SHOX2: variants seen among roughly 807,000 people sequenced by gnomAD.
SHOX2 encodes the protein SHOX homeobox 2, also known as short stature homeobox protein 2.
A neutral mutation model predicts 31.3 loss-of-function variants in SHOX2; 13 were observed. The observed-to-expected ratio is 0.42, with a 90% CI of 0.27 to 0.66. The LOEUF (loss-of-function observed/expected upper bound fraction) is 0.66. SHOX2 is among the 30% of genes least tolerant of loss of function. SHOX2 has a pLI of 0.27. For missense variants in SHOX2, 473 were observed against 443.0 expected, an observed-to-expected ratio of 1.07 and a Z score of -0.61; for synonymous variants, 244 against 196.2, an observed-to-expected ratio of 1.24 and a Z score of -2.04.
chr3:158,097,816 C>A lies in SHOX2; in HGVS notation c.*211G>T, dbSNP rs1713215906. 3.0e-6 allele frequency: 2 copies of A among 662,846 alleles called. No individual in the cohort carries two copies. Among genetic ancestry groups the A allele is most frequent in the African/African-American group, 3.6e-5 (2 of 54,938 alleles). The allele number at this position is 662,846 out of a possible 1,614,324, so 41.1% of individuals were successfully genotyped here. Reference sequence around the variant, plus strand: ...CTCGAGTAGGAAAACGGGCAGGAGCCACGGAGCCTGCGTGCCTCGTGAGAT... The same window carrying A: ...CTCGAGTAGGAAAACGGGCAGGAGCAACGGAGCCTGCGTGCCTCGTGAGAT... On this transcript the variant is annotated 3_prime_UTR_variant, in exon 5 of 5. Transcript: ENST00000483851.
intron 1 of SHOX2, chr3:158,104,103 G>A (rs1467407634): frequency 6.6e-6 from 1 of 152,260 alleles, no homozygotes; most frequent in East Asian, 1.9e-4. Flanking sequence ...CAGGATCCAG[G>A]CCAGCATGGG....
chr3:158,098,179 A>G lies in SHOX2; in HGVS notation c.808T>C (p.Phe270Leu), dbSNP rs752374466. ...APYMMFPAPP[F>L]GLPLATLAAD... ...GCCAGCGTGGCGAGCGGCAGTCCGA[A>G]GGGCGGTGCTGGGAACATCATGTAG... The change falls in exon 5 of 5, where the codon TTC becomes CTC. Residue 270 changes from phenylalanine to leucine, a missense_variant. Phe to Leu is a conservative substitution (Grantham distance 22, BLOSUM62 0). Around this residue, in one of 3 missense-constraint regions of SHOX2, gnomAD observed 182 missense variants for 167.2 expected, o/e 1.09. Coordinates refer to ENST00000483851, the MANE Select transcript of SHOX2 (RefSeq NM_001163678.2). 1.2e-6 allele frequency: 2 copies of G among 1,613,540 alleles called. No individual in the cohort carries two copies. The highest frequency in any genetic ancestry group is 4.5e-5 in the East Asian group (2 of 44,890).
rs1559893678 is a variant in SHOX2, at chr3:158,096,932, G to GATA, written c.*1094_*1095insTAT. On this transcript the variant is annotated 3_prime_UTR_variant, in exon 5 of 5. Coordinates refer to ENST00000483851, the MANE Select transcript of SHOX2 (RefSeq NM_001163678.2). ...TATATATATATATATATATATATAT[G>GATA]GCAAATATATGATATATATATATGG... 7.4e-5 allele frequency: 3 copies of GATA among 40,650 alleles called. No individual in the cohort carries two copies. Among genetic ancestry groups the GATA allele is most frequent in the Non-Finnish European group, 9.8e-5 (2 of 20,448 alleles). 2.5% of individuals were successfully genotyped at this position (40,650 alleles called of 1,614,324 possible).
chr3:158,100,739 G>A (rs765084896), intron 2 of SHOX2, among the ~76,000 whole-genome samples: 11 of 152,212 alleles, frequency 7.2e-5, no homozygotes, highest in South Asian at 2.1e-4. Context: ...ACTCCTTTGC[G>A]GAGAAGGAGT....
rs757863312 is a variant in SHOX2 at position 158,102,904 on chromosome 3, G to A, written c.347-18C>T. The A allele has an allele frequency of 1.2e-6, 2 of 1,611,440 alleles. No homozygotes were observed. Among genetic ancestry groups the A allele is most frequent in the South Asian group, 2.2e-5 (2 of 91,022 alleles). On this transcript the variant is annotated intron_variant, in intron 1 of 4. Coordinates refer to ENST00000483851, the MANE Select transcript of SHOX2 (RefSeq NM_001163678.2). ...CGGGGACACTGGAGGGGGCACCCCA[G>A]CGGGGCCACACGTGCATCCACACGA...
In SHOX2 at chr3:158,105,767, T is replaced by C; in HGVS notation, c.258A>G (p.Gly86=). The C allele has an allele frequency of 6.6e-7, 1 of 1,516,022 alleles. No homozygotes were observed. Among genetic ancestry groups the C allele is most frequent in the Non-Finnish European group, 8.8e-7 (1 of 1,133,332 alleles). 93.9% of individuals were successfully genotyped at this position (1,516,022 alleles called of 1,614,324 possible). The change falls in exon 1 of 5, where the codon GGA becomes GGG. Residue 86 remains glycine, a synonymous_variant. Coordinates refer to ENST00000483851, the MANE Select transcript of SHOX2 (RefSeq NM_001163678.2). ...GGACGGGAGAGCGCCCTCCTCCAGC[T>C]CCTCCGCCTGCTCCTCCTCCTCCTA... ...GGVGGGGAGG[G]AGGGRSPVRE... is the part of the protein sequence containing the mutation.
intron 1 of SHOX2, among the ~76,000 whole-genome samples, 155 bp downstream of exon 1, chr3:158,105,524 A>C (rs1578082517): frequency 2.3e-5 from 2 of 88,010 alleles, no homozygotes; most frequent in African/African-American, 4.6e-5. Context: ...CCGGACCCCC[A>C]CCCTTCCACT....
chr3:158,105,741 C>T lies in SHOX2; in HGVS notation c.284G>A (p.Arg95Gln), dbSNP rs1192245790. Reference protein sequence around the residue: ...GGAGGGRSPVRELDMGAAERS... With the variant: ...GGAGGGRSPVQELDMGAAERS... ...CTCGGCGGCGCCCATGTCCAGCTCC[C>T]GGACGGGAGAGCGCCCTCCTCCAGC... is the stretch of plus-strand genomic sequence containing the variant. The change falls in exon 1 of 5, where the codon CGG (arginine) becomes CAG (glutamine). Residue 95 changes from arginine (R) to glutamine (Q), a missense_variant. Physicochemically the swap from Arg to Gln is conservative, Grantham distance 43. This residue lies in a region of SHOX2 where 276 missense variants were observed against 230.0 expected (regional missense o/e 1.20). Transcript: ENST00000483851. The T allele has an allele frequency of 6.6e-7, 1 of 1,523,374 alleles. No homozygotes were observed. The highest frequency in any genetic ancestry group is 8.8e-7 in the Non-Finnish European group (1 of 1,136,518). 94.4% of individuals were successfully genotyped at this position (1,523,374 alleles called of 1,614,324 possible). A position where few individuals can be genotyped will look rare whatever the true frequency, so the allele number is the denominator to read the frequency against.
At position 158,106,247 on chromosome 3, in the gene SHOX2, G is replaced by A; in HGVS notation, c.-223C>T. 4.7e-6 allele frequency: 3 copies of A among 634,824 alleles called. No individual in the cohort carries two copies. Among genetic ancestry groups the A allele is most frequent in the Non-Finnish European group, 2.5e-6 (1 of 397,682 alleles). 39.3% of individuals were successfully genotyped at this position (634,824 alleles called of 1,614,324 possible). The stretch of plus-strand genomic sequence containing the variant: ...AAAAGAAGTAAGAAGAGGAGGAGGA[G>A]GAAGAAGAGGAAGAGGGGGAGAAGG... On this transcript the variant is annotated 5_prime_UTR_variant, in exon 1 of 5. Coordinates refer to ENST00000483851, the MANE Select transcript of SHOX2 (RefSeq NM_001163678.2).
chr3:158,105,864 G>T lies in SHOX2; in HGVS notation c.161C>A (p.Pro54Gln), dbSNP rs763836665. 3.8e-5 allele frequency: 57 copies of T among 1,492,962 alleles called. 1 individual carries two copies. Among genetic ancestry groups the T allele is most frequent in the Middle Eastern group, 1.8e-4 (1 of 5,586 alleles). The allele number at this position is 1,492,962 out of a possible 1,614,324, so 92.5% of individuals were successfully genotyped here. Residue 54 changes from proline (P) to glutamine (Q), a missense_variant, in exon 1 of 5, where the codon CCG becomes CAG. Transcript: ENST00000483851. ...TEAGRDDRSS[P>Q]AVRAAGGGGG... ...GCCTCCGCCGGCCGCCCGGACTGCC[G>T]GGCTGCTGCGGTCGTCGCGGCCCGC... is the stretch of plus-strand genomic sequence containing the variant.
chr3:158,099,771 G>C (rs1301879656), intron 4 of SHOX2, 89 bp downstream of exon 4: 1 of 939,826 alleles, frequency 1.1e-6, no homozygotes, highest in Non-Finnish European at 1.7e-6. Flanking sequence ...ATTGACATCT[G>C]GGCTCAGAGA....
rs751040871 is a variant in SHOX2, at chr3:158,098,152, C to T, written c.835G>A (p.Ala279Thr). ...ACCGAGGCGGCGGAAGCCGAATCCG[C>T]GGCCAGCGTGGCGAGCGGCAGTCCG... ...PFGLPLATLAADSASAASVVA... is the reference protein window; with the variant it reads ...PFGLPLATLATDSASAASVVA... Residue 279 changes from alanine (A) to threonine (T), a missense_variant, in exon 5 of 5, where the codon GCG becomes ACG. Physicochemically the swap from Ala to Thr is moderately conservative, Grantham distance 58. This residue lies in a region of SHOX2 where 182 missense variants were observed against 167.2 expected (regional missense o/e 1.09). Transcript: ENST00000483851. 46 of 1,613,304 alleles carry T rather than the reference C, an allele frequency of 2.9e-5. 1 individual carries two copies. The South Asian group carries it at 4.7e-4, about 17-fold the overall frequency.
In SHOX2 at chr3:158,098,164, C is replaced by T; in HGVS notation, c.823G>A (p.Ala275Thr). The change falls in exon 5 of 5, where the codon GCC (alanine) becomes ACC (threonine). Residue 275 changes from alanine to threonine, a missense_variant. Ala to Thr is a moderately conservative substitution (Grantham distance 58). Coordinates refer to ENST00000483851, the MANE Select transcript of SHOX2 (RefSeq NM_001163678.2). ...FPAPPFGLPLATLAADSASAA... is the reference protein window; with the variant it reads ...FPAPPFGLPLTTLAADSASAA... ...GAAGCCGAATCCGCGGCCAGCGTGG[C>T]GAGCGGCAGTCCGAAGGGCGGTGCT... The T allele has an allele frequency of 4.3e-6, 7 of 1,613,412 alleles. No individual in the cohort carries two copies. Among genetic ancestry groups the T allele is most frequent in the African/African-American group, 1.3e-5 (1 of 75,030 alleles).
Position 158,106,099 on chromosome 3 carries a change from C to G in SHOX2, c.-75G>C, listed in dbSNP as rs1490567893. ...TCTTTTTTTCCTTCTTCTTTTTTTA[C>G]TGCTCCAGCCCCCCCAATAATAACA... On this transcript the variant is annotated 5_prime_UTR_variant, in exon 1 of 5. Transcript: ENST00000483851. 2 of 1,589,022 alleles carry G rather than the reference C, an allele frequency of 1.3e-6. No homozygotes were observed. The highest frequency in any genetic ancestry group is 1.4e-5 in the African/African-American group (1 of 72,892).
At chr3:158,104,909 G>A in intron 1 of SHOX2, 1 of 624,006 alleles carries the variant, frequency 1.6e-6, no homozygotes. Flanking sequence ...CTCTGCCATT[G>A]AGATAAAGAC....
rs1306095332 is a variant in SHOX2, at chr3:158,106,373, G to A, written c.-349C>T. The A allele has an allele frequency of 6.2e-6, 2 of 324,686 alleles. No individual in the cohort carries two copies. The highest frequency in any genetic ancestry group is 3.2e-5 in the South Asian group (1 of 31,686). 20.1% of individuals were successfully genotyped at this position (324,686 alleles called of 1,614,324 possible). ...CCCTGCCGGAGCGCGCTTGTTCAAT[G>A]TTAAGATCTTTGACAATTCTTCCTG... On this transcript the variant is annotated 5_prime_UTR_variant, in exon 1 of 5. Transcript: ENST00000483851.
At position 158,106,166 on chromosome 3, in the gene SHOX2, AAAG is replaced by A. The variant is rs1042009412; in HGVS notation, c.-145_-143del. 1.5e-4 allele frequency: 206 copies of A among 1,349,240 alleles called. No individual in the cohort carries two copies. Among genetic ancestry groups the A allele is most frequent in the Non-Finnish European group, 2.0e-4 (201 of 1,004,744 alleles). The allele number at this position is 1,349,240 out of a possible 1,614,324, so 83.6% of individuals were successfully genotyped here. On this transcript the variant is annotated 5_prime_UTR_variant, in exon 1 of 5. Transcript: ENST00000483851. ...GGTGGGGGAGGAGAGGGAGGAGGAG[AAAG>A]AAGAAGAAAAAGAGGAGAAGAAAGA...
intron 1 of SHOX2, 139 bp from the exon 2 acceptor site, chr3:158,103,025 C>T (rs1713613256): frequency 6.0e-6 from 5 of 827,726 alleles, no homozygotes; most frequent in Non-Finnish European, 7.8e-6. Flanking sequence ...CCTTCCCCCT[C>T]GTGGAATCCT....
chr3:158,105,969 T>C lies in SHOX2; in HGVS notation c.56A>G (p.Lys19Arg). Residue 19 changes from lysine (K) to arginine (R), a missense_variant, in exon 1 of 5, where the codon AAG becomes AGG. Transcript: ENST00000483851. ...SKSFDQKVKE[K>R]KEAITYREVL... ...CTCCCGGTACGTGATCGCCTCCTTC[T>C]TCTCCTTCACTTTCTGGTCAAAAGA... 1 of 1,613,042 alleles carries C rather than the reference T, an allele frequency of 6.2e-7. No individual in the cohort carries two copies. The highest frequency in any genetic ancestry group is 1.1e-5 in the South Asian group (1 of 91,078).
Sources: allele counts gnomAD v4.1 joint callset (sites outside exome capture counted in the v4.1 genomes callset), GRCh38; gene constraint gnomAD v4.1.1; regional missense constraint gnomAD v4.1.1; transcripts MANE v1.5; gene names NCBI Gene and HGNC (gene_info 2026-07-23, HGNC 2026-07-21).